Variants in CEP72 observed in about 807,000 individuals in gnomAD.
CEP72 encodes the protein centrosomal protein of 72 kDa.
Under a neutral mutation model 65.7 loss-of-function variants are expected in CEP72, and 78 were observed. The observed-to-expected ratio is 1.19, with a 90% CI of 0.99 to 1.43. CEP72 has a LOEUF of 1.43. CEP72 is among the 40% of genes most tolerant of loss of function. CEP72 has a pLI of 0.00. For missense variants in CEP72, 914 were observed against 832.9 expected, an observed-to-expected ratio of 1.10 and a Z score of -1.20; for synonymous variants, 358 against 351.7, an observed-to-expected ratio of 1.02 and a Z score of -0.20.
At position 639,185 on chromosome 5, in the gene CEP72, G is replaced by C; in HGVS notation, c.1303G>C (p.Gly435Arg). The change falls in exon 8 of 12, where the codon GGC (glycine) becomes CGC (arginine). Residue 435 changes from glycine (G) to arginine (R), a missense_variant. By Grantham distance (125) the Gly-to-Arg change is moderately radical. Transcript: ENST00000264935. The part of the protein sequence containing the change: ...TLLDLVDRSW[G>R]GCRSLHSNEA... The stretch of plus-strand genomic sequence containing the variant: ...CTTGGACCTGGTGGACAGGAGCTGG[G>C]GCGGCTGCAGGTCCCTGCACAGCAA... 6.2e-7 allele frequency: 1 copy of C among 1,607,160 alleles called. No homozygotes were observed. The highest frequency in any genetic ancestry group is 2.2e-5 in the East Asian group (1 of 44,680).
At chr5:668,625 A>G (rs1030584318), downstream of CEP72, among the ~76,000 whole-genome samples, 9 of 152,260 alleles carry the variant, frequency 5.9e-5, no homozygotes, top group African/African-American at 2.2e-4. Flanking sequence ...GCAACGCGGC[A>G]GAGCCACTGT....
intron 2 of CEP72, chr5:663,871 T>G (rs1739787878): frequency 6.6e-6 from 1 of 152,426 alleles, no homozygotes; most frequent in Middle Eastern, 3.4e-3. Flanking sequence ...ACAGTGGCAG[T>G]GTGCCATTGT....
downstream of CEP72, among the ~76,000 whole-genome samples, chr5:656,491 T>C (rs1739382742): frequency 6.7e-6 from 1 of 149,800 alleles, no homozygotes; most frequent in African/African-American, 2.6e-5. Flanking sequence ...CACAGTGGTC[T>C]TGTATGTCTT....
intron 3 of CEP72, among the ~76,000 whole-genome samples, chr5:622,754 A>ACC (rs147462972): frequency 1.3e-5 from 2 of 150,242 alleles, no homozygotes; most frequent in African/African-American, 2.5e-5. Flanking sequence ...TTAACAATGG[A>ACC]CCCCCCCAAG....
chr5:670,692 C>T (rs1342337816), downstream of CEP72, among the ~76,000 whole-genome samples: 2 of 152,172 alleles, frequency 1.3e-5, no homozygotes, highest in Non-Finnish European at 2.9e-5. Flanking sequence ...GGTCCCGTTC[C>T]AGCAGGACCC....
intron 8 of CEP72, among the ~76,000 whole-genome samples, chr5:639,716 G>T (rs929707722): frequency 1.3e-5 from 2 of 152,190 alleles, no homozygotes; most frequent in African/African-American, 2.4e-5. Context: ...AGCACACTGG[G>T]GCCTCCCTCA....
chr5:651,301 CTG>C (rs1288849166), intron 11 of CEP72, among the ~76,000 whole-genome samples: 1 of 131,414 alleles, frequency 7.6e-6, no homozygotes, highest in South Asian at 2.6e-4. Context: ...TGAGGTGTGA[CTG>C]TGAGGTGTGA....
Position 635,299 on chromosome 5 carries a change from T to G in CEP72, c.692-73T>G, listed in dbSNP as rs1737510378. 17 of 1,227,998 alleles carry G rather than the reference T, an allele frequency of 1.4e-5. No homozygotes were observed. In the South Asian group the frequency reaches 2.3e-4, roughly 17 times the overall value. 76.1% of individuals were successfully genotyped at this position (1,227,998 alleles called of 1,614,324 possible). A position where few individuals can be genotyped will look rare whatever the true frequency, so the allele number is the denominator to read the frequency against. ...AGATACCATACACTATTCAGAAGCTTAAAATGTAATTTTTGATGGAATAAA... is the reference window on the plus strand; with the variant it reads ...AGATACCATACACTATTCAGAAGCTGAAAATGTAATTTTTGATGGAATAAA... On this transcript the variant is annotated intron_variant, in intron 5 of 11. Transcript: ENST00000264935.
intron 2 of CEP72, chr5:664,997 C>T: frequency 7.2e-7 from 1 of 1,383,186 alleles, no homozygotes; most frequent in Admixed American, 2.0e-5. Context: ...CTCTGGGGCA[C>T]CCGTCTGAGT....
At chr5:637,388 A>C in intron 6 of CEP72, 129 bp from the exon 7 acceptor site, 1 of 759,114 alleles carries the variant, frequency 1.3e-6, no homozygotes, top group South Asian at 1.7e-5. Context: ...GCGTGTACAT[A>C]TGTAAGTGTG....
At chr5:675,371 CCGGGGG>C in the CEP72 span, among the ~76,000 whole-genome samples, 1 of 41,050 alleles carries the variant, frequency 2.4e-5, no homozygotes, top group Non-Finnish European at 4.5e-5. Flanking sequence ...TGCAGTGTGG[CCGGGGG>C]TGCAGCGCAG....
intron 9 of CEP72, chr5:640,906 T>A: frequency 1.0e-6 from 1 of 985,460 alleles, no homozygotes; most frequent in Non-Finnish European, 1.2e-6. Context: ...GACGTGACTT[T>A]GTCTTGCTGA....
chr5:675,041 T>C, the CEP72 span, among the ~76,000 whole-genome samples: 1 of 28,110 alleles, frequency 3.6e-5, no homozygotes, highest in South Asian at 1.7e-3. Flanking sequence ...GTGAGGGGGG[T>C]ACAGTATGGC....
At chr5:633,593 C>T (rs1038169270) in intron 4 of CEP72, among the ~76,000 whole-genome samples, 176 bp from the exon 5 acceptor site, 19 of 152,238 alleles carry the variant, frequency 1.2e-4, no homozygotes, top group East Asian at 9.6e-4. Context: ...ACCGATTGTC[C>T]TTGGTGAGTC....
At chr5:636,642 C>G (rs899926112) in intron 6 of CEP72, among the ~76,000 whole-genome samples, 9 of 152,132 alleles carry the variant, frequency 5.9e-5, no homozygotes, top group African/African-American at 2.2e-4. Flanking sequence ...GAAACCAGGT[C>G]TCTACTAAAT....
intron 4 of CEP72, among the ~76,000 whole-genome samples, chr5:625,038 C>T (rs56176135): frequency 0.1 from 15,187 of 152,200 alleles, 1,640 homozygotes; most frequent in African/African-American, 0.27. Flanking sequence ...TGCCGGGATG[C>T]GCCTTCCTGT....
the CEP72 span, among the ~76,000 whole-genome samples, chr5:674,298 C>T: frequency 4.6e-5 from 7 of 152,194 alleles, no homozygotes; most frequent in East Asian, 1.9e-4. Flanking sequence ...CCCAGGAGCA[C>T]GGGGCTGGGT....
intron 4 of CEP72, among the ~76,000 whole-genome samples, chr5:627,388 C>A (rs540252876): frequency 6.8e-6 from 1 of 146,490 alleles, no homozygotes; most frequent in Admixed American, 6.9e-5. Context: ...TTGCATGTTA[C>A]GAATTTTGAA....
rs1739829866 is a variant in CEP72, at chr5:664,910, T to G, written n.288-270T>G. ...CAGCGAACTGGGGCCCAAACCTGGT[T>G]TGAGAGGGGAGTGCTGGGGGCATCC... On this transcript the variant is annotated intron_variant and non_coding_transcript_variant, in intron 2 of 4. Coordinates refer to the CEP72 transcript ENST00000514507. The G allele has an allele frequency of 6.5e-6, 4 of 617,918 alleles. No homozygotes were observed. In the African/African-American group the frequency reaches 7.4e-5, roughly 11 times the overall value. The allele number at this position is 617,918 out of a possible 1,614,324, so 38.3% of individuals were successfully genotyped here.
Sources: allele counts gnomAD v4.1 joint callset (sites outside exome capture counted in the v4.1 genomes callset), GRCh38; gene constraint gnomAD v4.1.1; transcripts MANE v1.5; gene names NCBI Gene and HGNC (gene_info 2026-07-23, HGNC 2026-07-21).